Variants in COL21A1 observed in about 807,000 individuals in gnomAD.
The protein encoded by COL21A1 is collagen type XXI alpha 1 chain.
A neutral mutation model predicts 137.9 loss-of-function variants in COL21A1; 149 were observed. That is an observed-to-expected ratio of 1.08 (90% CI 0.95 to 1.24). COL21A1 has a LOEUF of 1.24. Ranked by LOEUF, COL21A1 falls within the 50% of genes most tolerant of loss-of-function variation. The pLI, the probability that COL21A1 is intolerant of heterozygous loss-of-function variation, is 0.00. For missense variants in COL21A1, 1,167 were observed against 1,158.4 expected (o/e 1.01, Z -0.11); for synonymous variants, 456 against 391.5 (o/e 1.16, Z -1.95).
intron 5 of COL21A1, among the ~76,000 whole-genome samples, chr6:56,169,155 T>C (rs1372623928): frequency 1.3e-5 from 2 of 151,992 alleles, no homozygotes; most frequent in Admixed American, 1.3e-4. Context: ...TCATTTGCAT[T>C]GTCACTACCA....
chr6:56,195,194 G>T (rs933235684), intron 1 of COL21A1, among the ~76,000 whole-genome samples: 1 of 152,070 alleles, frequency 6.6e-6, no homozygotes, highest in Non-Finnish European at 1.5e-5. Flanking sequence ...AAATTATGCA[G>T]TTTTGAGTAT....
chr6:56,067,272 CT>C (rs1464420944), intron 23 of COL21A1, 22 bp downstream of exon 23: 21 of 1,594,746 alleles, frequency 1.3e-5, no homozygotes, highest in Non-Finnish European at 1.7e-5. Context: ...GCTCAGCCTA[CT>C]AAAAAAAAGC....
intron 1 of COL21A1, among the ~76,000 whole-genome samples, chr6:56,291,303 G>A (rs1323420229): frequency 6.6e-6 from 1 of 152,176 alleles, no homozygotes; most frequent in African/African-American, 2.4e-5. Flanking sequence ...GCAGTTTCTT[G>A]GCCAGTGCTG....
intron 1 of COL21A1, among the ~76,000 whole-genome samples, chr6:56,392,529 A>T (rs1210314939): frequency 1.3e-5 from 2 of 152,194 alleles, no homozygotes; most frequent in Non-Finnish European, 2.9e-5. Context: ...AAGGGCATCC[A>T]AATTGGAAAG....
chr6:56,210,215 C>T (rs1780073175), intron 1 of COL21A1, among the ~76,000 whole-genome samples: 1 of 151,970 alleles, frequency 6.6e-6, no homozygotes, highest in African/African-American at 2.4e-5. Flanking sequence ...TGTAACAAAC[C>T]TGCACGTTCT....
At position 56,069,082 on chromosome 6, in the gene COL21A1, T is replaced by C. The variant is rs886688042; in HGVS notation, c.2055A>G (p.Pro685=). The change falls in exon 22 of 30, where the codon CCA becomes CCG. Residue 685 remains proline (P), a synonymous_variant. Coordinates refer to ENST00000244728, the MANE Select transcript of COL21A1 (RefSeq NM_030820.4). ...GAATCCCGGGTAAACCCATGTATCC[T>C]GGTTCTCCTGGGGAACCCGTTGCTC... ...EPGATGSPGE[P]GYMGLPGIQG... is the part of the protein sequence containing the mutation. The C allele has an allele frequency of 6.2e-7, 1 of 1,600,452 alleles. No homozygotes were observed. Among genetic ancestry groups the C allele is most frequent in the Non-Finnish European group, 8.5e-7 (1 of 1,173,376 alleles).
chr6:56,354,333 A>T (rs944576263), intron 1 of COL21A1, among the ~76,000 whole-genome samples: 1 of 152,198 alleles, frequency 6.6e-6, no homozygotes, highest in African/African-American at 2.4e-5. Flanking sequence ...TACTTTCATA[A>T]ATTGTGCTTT....
chr6:56,075,139 AAATTT>A (rs745581672), intron 19 of COL21A1, among the ~76,000 whole-genome samples: 7 of 151,456 alleles, frequency 4.6e-5, no homozygotes, highest in African/African-American at 2.4e-5. Context: ...ATATGTTTGT[AAATTT>A]AATTTAAAAT....
intron 17 of COL21A1, among the ~76,000 whole-genome samples, chr6:56,087,568 A>G (rs1247249702): frequency 1.3e-5 from 2 of 152,206 alleles, no homozygotes; most frequent in Non-Finnish European, 2.9e-5. Context: ...CAGAAAAAGC[A>G]TTCTGTCATC....
At chr6:56,199,292 GT>G (rs75318072) in intron 1 of COL21A1, among the ~76,000 whole-genome samples, 18,017 of 148,308 alleles carry the variant, frequency 0.12, 1,209 homozygotes, top group Middle Eastern at 0.24. Context: ...ATGGAATTCT[GT>G]TTTTTTTTTA....
chr6:56,290,503 T>TTTTTG (rs1388870023), intron 1 of COL21A1, among the ~76,000 whole-genome samples: 2 of 147,214 alleles, frequency 1.4e-5, no homozygotes, highest in Non-Finnish European at 3.0e-5. Flanking sequence ...TAGGAGATTT[T>TTTTTG]TTTTTTTTTT....
At chr6:56,384,729 C>T (rs2094014651) in intron 1 of COL21A1, among the ~76,000 whole-genome samples, 1 of 152,140 alleles carries the variant, frequency 6.6e-6, no homozygotes, top group Non-Finnish European at 1.5e-5. Context: ...GAGCACCAGC[C>T]TGGAGAGAAG....
intron 1 of COL21A1, among the ~76,000 whole-genome samples, chr6:56,243,840 G>T (rs916369376): frequency 2.6e-5 from 4 of 152,222 alleles, no homozygotes; most frequent in African/African-American, 9.6e-5. Flanking sequence ...TATGCAGAAA[G>T]TTGGGGAATT....
intron 1 of COL21A1, among the ~76,000 whole-genome samples, chr6:56,196,515 T>A (rs1466513993): frequency 6.6e-6 from 1 of 152,110 alleles, no homozygotes; most frequent in Non-Finnish European, 1.5e-5. Context: ...TACAATAAAC[T>A]TGTGGGATAC....
chr6:56,099,672 A>G (rs936367861), intron 17 of COL21A1, among the ~76,000 whole-genome samples: 2 of 151,684 alleles, frequency 1.3e-5, no homozygotes, highest in East Asian at 1.9e-4. Context: ...TCCCTCATAC[A>G]CGCACACCCA....
intron 1 of COL21A1, among the ~76,000 whole-genome samples, chr6:56,204,594 A>G (rs1779635611): frequency 6.6e-6 from 1 of 152,144 alleles, no homozygotes; most frequent in Non-Finnish European, 1.5e-5. Context: ...AGCTCTGAAG[A>G]CAGCAGCAAA....
intron 1 of COL21A1, among the ~76,000 whole-genome samples, chr6:56,204,415 C>T (rs1779620864): frequency 6.6e-6 from 1 of 152,104 alleles, no homozygotes; most frequent in South Asian, 2.1e-4. Flanking sequence ...TGCCAGACTG[C>T]CTCTATAGAT....
At position 56,118,177 on chromosome 6, in the gene COL21A1, T is replaced by C. The variant is rs1772112294; in HGVS notation, c.1758+5885A>G. Among the ~76,000 whole-genome samples the C allele has an allele frequency of 4.0e-5, 6 of 149,916 alleles. No individual in the cohort carries two copies. The South Asian group carries it at 1.3e-3, about 31-fold the overall frequency. On this transcript the variant is annotated intron_variant, in intron 16 of 29. Transcript: ENST00000244728. ...TGAAAAGACAAACAAAATTGACAAA[T>C]TTTTAGCCAGTGTAACCGAGAAAAT...
intron 10 of COL21A1, among the ~76,000 whole-genome samples, chr6:56,152,604 C>T (rs742496): frequency 0.03 from 4,635 of 152,136 alleles, 176 homozygotes; most frequent in African/African-American, 0.084. Flanking sequence ...TAGTCAGAGT[C>T]ATAGAGTAAT....
Sources: gnomAD v4.1 joint callset for allele counts (sites outside exome capture counted in the v4.1 genomes callset) on GRCh38, gnomAD v4.1.1 for gene constraint, MANE v1.5 for transcripts, NCBI Gene and HGNC (gene_info 2026-07-23, HGNC 2026-07-21) for gene names.